ZNF431: variants seen among roughly 807,000 people sequenced by gnomAD.
ZNF431 encodes zinc finger protein 431.
In ZNF431, 34 loss-of-function variants were observed where a neutral mutation model predicts 57.0. The observed-to-expected ratio is 0.60, with a 90% CI of 0.45 to 0.79. ZNF431 has a LOEUF of 0.79. Among genes scored for constraint, ZNF431 ranks in the 30% least tolerant of loss-of-function variants. The probability of loss-of-function intolerance (pLI) is 0.00; values close to 1 mark genes in which losing one functional copy is unlikely to be tolerated. For missense variants in ZNF431, 607 were observed against 667.1 expected (o/e 0.91, Z 0.99); for synonymous variants, 207 against 220.3 (o/e 0.94, Z 0.54).
intron 2 of ZNF431, among the ~76,000 whole-genome samples, chr19:21,161,077 A>G (rs1347331239): frequency 6.6e-6 from 1 of 152,138 alleles, no homozygotes; most frequent in Non-Finnish European, 1.5e-5. Context: ...CTGAGGCAGG[A>G]GAATCTCTTG....
chr19:21,149,946 C>T (rs1970221363), intron 2 of ZNF431: 2 of 598,464 alleles, frequency 3.3e-6, no homozygotes, highest in African/African-American at 1.9e-5. Flanking sequence ...AAGAAGACAA[C>T]CAGCTTGATG....
At position 21,195,908 on chromosome 19, in the gene ZNF431, T is replaced by TTC. The variant is rs1971596877; in HGVS notation, c.*11878_*11879dup. ...TGAAAATCCAGCAAAGCAATTATTT[T>TTC]TCTCTTTTTAACTGGAAATCATATT... On this transcript the variant is annotated 3_prime_UTR_variant, in exon 5 of 5. Transcript: ENST00000311048. 1 of 152,238 alleles carries TTC rather than the reference T, an allele frequency of 6.6e-6. No individual in the cohort carries two copies. Among genetic ancestry groups the TTC allele is most frequent in the Admixed American group, 6.5e-5 (1 of 15,282 alleles). The allele number at this position is 152,238 out of a possible 1,614,324, so 9.4% of individuals were successfully genotyped here.
At chr19:21,172,145 C>G (rs201696903) in intron 4 of ZNF431, among the ~76,000 whole-genome samples, 2 of 141,922 alleles carry the variant, frequency 1.4e-5, no homozygotes, top group African/African-American at 5.2e-5. Context: ...AAAAACATAA[C>G]AGGCCAGTCA....
intron 4 of ZNF431, among the ~76,000 whole-genome samples, chr19:21,170,146 TC>T (rs1193960556): frequency 6.6e-6 from 1 of 152,202 alleles, no homozygotes; most frequent in African/African-American, 2.4e-5. Flanking sequence ...CACAACTCCC[TC>T]CCTGCATCTC....
chr19:21,162,614 CT>C, intron 2 of ZNF431: 1 of 608,400 alleles, frequency 1.6e-6, no homozygotes, highest in Non-Finnish European at 2.1e-6. Context: ...CAGATTCACC[CT>C]TTTTGGAGCC....
Position 21,189,088 on chromosome 19 carries a change from A to G in ZNF431, c.*5054A>G, listed in dbSNP as rs546587875. The G allele has an allele frequency of 5.3e-5, 8 of 152,338 alleles. No individual in the cohort carries two copies. The South Asian group carries it at 1.7e-3, about 32-fold the overall frequency. 9.4% of individuals were successfully genotyped at this position (152,338 alleles called of 1,614,324 possible). Reference sequence around the variant, plus strand: ...ACACATTGTTATTCTTCTATGTTTTATAAATATTTTAATGTGACAGGTAGA... The same window carrying G: ...ACACATTGTTATTCTTCTATGTTTTGTAAATATTTTAATGTGACAGGTAGA... On this transcript the variant is annotated 3_prime_UTR_variant, in exon 5 of 5. Coordinates refer to ENST00000311048, the MANE Select transcript of ZNF431 (RefSeq NM_133473.4).
At chr19:21,166,948 C>T (rs1231311068) in intron 3 of ZNF431, among the ~76,000 whole-genome samples, 1 of 152,050 alleles carries the variant, frequency 6.6e-6, no homozygotes, top group African/African-American at 2.4e-5. Context: ...CTGCAACCTC[C>T]ACCCTGGGTT....
chr19:21,175,525 C>G, intron 4 of ZNF431: 1 of 666,944 alleles, frequency 1.5e-6, no homozygotes, highest in Non-Finnish European at 2.7e-6. Flanking sequence ...CACCTATTAA[C>G]CTCTCACCTC....
At chr19:21,182,219 G>A (rs1971225924) in intron 4 of ZNF431, among the ~76,000 whole-genome samples, 1 of 151,756 alleles carries the variant, frequency 6.6e-6, no homozygotes. Flanking sequence ...AGGGCCCCTA[G>A]AAGCAAGTAA....
chr19:21,157,367 A>G (rs1298606876), intron 2 of ZNF431, among the ~76,000 whole-genome samples: 2 of 151,920 alleles, frequency 1.3e-5, no homozygotes, highest in African/African-American at 4.8e-5. Context: ...CCTATTATTG[A>G]CTTTCTAATT....
intron 2 of ZNF431, among the ~76,000 whole-genome samples, chr19:21,157,404 G>A (rs1412866897): frequency 6.6e-6 from 1 of 152,162 alleles, no homozygotes; most frequent in East Asian, 1.9e-4. Flanking sequence ...GTGTGAGGTG[G>A]TATCTCATTG....
At position 21,191,949 on chromosome 19, in the gene ZNF431, G is replaced by GTA. The variant is rs1056287655; in HGVS notation, c.*7916_*7917dup. On this transcript the variant is annotated 3_prime_UTR_variant, in exon 5 of 5. Coordinates refer to ENST00000311048, the MANE Select transcript of ZNF431 (RefSeq NM_133473.4). ...GCATTATACCTGTAGGTCATTTTGT[G>GTA]TAATACAAATATTAATGTCAGTTCA... 3 of 152,132 alleles carry GTA rather than the reference G, an allele frequency of 2.0e-5. No homozygotes were observed. The highest frequency in any genetic ancestry group is 7.2e-5 in the African/African-American group (3 of 41,416). The allele number at this position is 152,132 out of a possible 1,614,324, so 9.4% of individuals were successfully genotyped here.
Position 21,183,723 on chromosome 19 carries a change from C to T in ZNF431, c.1420C>T (p.His474Tyr). 4 of 1,613,822 alleles carry T rather than the reference C, an allele frequency of 2.5e-6. No individual in the cohort carries two copies. The South Asian group carries it at 4.4e-5, about 18-fold the overall frequency. ...TAGCCAGTCATCAATCCTTACTACA[C>T]ATAAGAGAATTCACACTGGAGAGAA... ...AFSQSSILTT[H>Y]KRIHTGEKPY... Residue 474 changes from histidine to tyrosine, a missense_variant, in exon 5 of 5, where the codon CAT (histidine) becomes TAT (tyrosine). Transcript: ENST00000311048.
rs1387048186 is a variant in ZNF431, at chr19:21,194,493, C to T, written c.*10459C>T. 1 of 146,336 alleles carries T rather than the reference C, an allele frequency of 6.8e-6. No homozygotes were observed. Among genetic ancestry groups the T allele is most frequent in the African/African-American group, 2.5e-5 (1 of 39,534 alleles). The allele number at this position is 146,336 out of a possible 1,614,324, so 9.1% of individuals were successfully genotyped here. On this transcript the variant is annotated 3_prime_UTR_variant, in exon 5 of 5. Transcript: ENST00000311048. ...GATTACTTTTTTTTTTTTTTTGAGA[C>T]AGTGTTGCTCTGTGGCCTAGGCTGG... is the stretch of plus-strand genomic sequence containing the variant.
At chr19:21,167,426 T>G in intron 3 of ZNF431, 145 bp from the exon 4 acceptor site, 1 of 384,982 alleles carries the variant, frequency 2.6e-6, no homozygotes. Flanking sequence ...CCCAAAGTGC[T>G]GAGATAACAG....
intron 4 of ZNF431, among the ~76,000 whole-genome samples, chr19:21,181,319 GT>G (rs774209940): frequency 2.0e-5 from 3 of 151,696 alleles, no homozygotes; most frequent in African/African-American, 4.8e-5. Context: ...ATTTTTAAAG[GT>G]TTTTTTTCTT....
intron 4 of ZNF431, among the ~76,000 whole-genome samples, chr19:21,176,209 G>A (rs1971047537): frequency 6.7e-6 from 1 of 149,718 alleles, no homozygotes. Context: ...GTCTTCTTTT[G>A]AGAAGTGTTT....
At chr19:21,164,324 A>C (rs985593661) in intron 2 of ZNF431, among the ~76,000 whole-genome samples, 1 of 152,112 alleles carries the variant, frequency 6.6e-6, no homozygotes, top group African/African-American at 2.4e-5. Flanking sequence ...AGTGTGGTGC[A>C]TATTTCCATT....
intron 2 of ZNF431, among the ~76,000 whole-genome samples, chr19:21,166,088 A>G (rs1970711080): frequency 6.6e-6 from 1 of 152,178 alleles, no homozygotes; most frequent in South Asian, 2.1e-4. Context: ...CCTTAATTAT[A>G]TACTTTATCA....
Sources: gnomAD v4.1 joint callset for allele counts (sites outside exome capture counted in the v4.1 genomes callset) on GRCh38, gnomAD v4.1.1 for gene constraint, MANE v1.5 for transcripts, NCBI Gene and HGNC (gene_info 2026-07-23, HGNC 2026-07-21) for gene names.